The following REG4 variants were observed in gnomAD, a reference collection of about 807,000 sequenced individuals.
REG4 encodes the protein regenerating family member 4.
REG4 carries 16 observed loss-of-function variants against 22.3 expected under a neutral mutation model. The ratio of observed to expected loss-of-function variants is 0.72; its 90% CI spans 0.49 to 1.09. The LOEUF (loss-of-function observed/expected upper bound fraction) is 1.09, where lower values mean the gene tolerates loss of function less well. REG4 is among the 50% of genes least tolerant of loss of function. The probability of loss-of-function intolerance (pLI) is 0.00; values close to 1 mark genes in which losing one functional copy is unlikely to be tolerated. For synonymous variants in REG4, 71 were observed against 69.2 expected (o/e 1.03, Z -0.13); for missense variants, 214 against 193.9 (o/e 1.10, Z -0.61).
intron 3 of REG4, 76 bp from the exon 4 acceptor site, chr1:119,799,938 C>T (rs111854244): frequency 1.0e-5 from 16 of 1,561,740 alleles, no homozygotes; most frequent in African/African-American, 1.3e-5. Context: ...CGCTAGCGTG[C>T]CAAGAAGGAG....
At chr1:119,802,578 A>C in intron 3 of REG4, 1 of 1,190,094 alleles carries the variant, frequency 8.4e-7, no homozygotes, top group Non-Finnish European at 1.0e-6. Context: ...CAACGAAATA[A>C]AATGGACAGG....
intron 2 of REG4, among the ~76,000 whole-genome samples, chr1:119,804,947 G>A (rs1357098372): frequency 6.6e-6 from 1 of 151,978 alleles, no homozygotes; most frequent in Non-Finnish European, 1.5e-5. Flanking sequence ...TTATCCATAT[G>A]GCATTTTTAT....
chr1:119,794,730 T>TGAATG, intron 5 of REG4, 45 bp from the exon 6 acceptor site: 1 of 1,551,160 alleles, frequency 6.4e-7, no homozygotes, highest in Non-Finnish European at 8.9e-7. Flanking sequence ...AGTACTATAC[T>TGAATG]GAGCTTGCCA....
chr1:119,805,166 C>T (rs967096801), intron 2 of REG4, among the ~76,000 whole-genome samples: 2 of 152,162 alleles, frequency 1.3e-5, no homozygotes, highest in South Asian at 2.1e-4. Flanking sequence ...ATTATTTTCT[C>T]AGGAGGAAAA....
chr1:119,800,689 A>G (rs1265798048), intron 3 of REG4, among the ~76,000 whole-genome samples: 1 of 152,208 alleles, frequency 6.6e-6, no homozygotes, highest in African/African-American at 2.4e-5. Context: ...ACTTATTTTG[A>G]CTTGCTAGTG....
chr1:119,802,482 A>G (rs1027748491), intron 3 of REG4: 2 of 1,022,128 alleles, frequency 2.0e-6, no homozygotes. Flanking sequence ...CCCCCAATTA[A>G]TCACAATTCA....
intron 5 of REG4, among the ~76,000 whole-genome samples, chr1:119,797,092 G>T (rs1434672000): frequency 6.6e-6 from 1 of 152,182 alleles, no homozygotes; most frequent in Non-Finnish European, 1.5e-5. Flanking sequence ...TGCGTCAACT[G>T]CAATAACAAC....
intron 2 of REG4, among the ~76,000 whole-genome samples, chr1:119,804,077 A>G (rs1159693013): frequency 6.6e-6 from 1 of 152,206 alleles, no homozygotes; most frequent in East Asian, 1.9e-4. Context: ...GGCTGGATGT[A>G]CAGAGGCATC....
intron 2 of REG4, among the ~76,000 whole-genome samples, chr1:119,805,601 CTCCCCTTTCTCT>C (rs1654283182): frequency 6.6e-6 from 1 of 151,536 alleles, no homozygotes; most frequent in African/African-American, 2.4e-5. Flanking sequence ...TCTTCTCTTT[CTCCCCTTTCTCT>C]GTCTCTCTTT....
chr1:119,798,687 A>G (rs916875797), intron 4 of REG4, 85 bp from the exon 5 acceptor site: 44 of 920,000 alleles, frequency 4.8e-5, no homozygotes, highest in Non-Finnish European at 7.6e-5. Context: ...CCTTTAAAAC[A>G]TGGTTTTCAT....
intron 4 of REG4, among the ~76,000 whole-genome samples, chr1:119,799,308 A>T (rs929613071): frequency 3.9e-5 from 6 of 152,178 alleles, no homozygotes; most frequent in Admixed American, 2.6e-4. Flanking sequence ...ACATAAAAAA[A>T]ATTACAGCAT....
chr1:119,800,715 A>G (rs975069486), intron 3 of REG4, among the ~76,000 whole-genome samples: 1 of 152,212 alleles, frequency 6.6e-6, no homozygotes, highest in Non-Finnish European at 1.5e-5. Flanking sequence ...GCATGGATCA[A>G]TTGCCTAAAC....
At chr1:119,799,619 A>T (rs1654037445) in intron 4 of REG4, 106 bp downstream of exon 4, 7 of 1,417,708 alleles carry the variant, frequency 4.9e-6, no homozygotes, top group Non-Finnish European at 6.7e-6. Context: ...CATCTGGAGA[A>T]GATCCACCCG....
At chr1:119,805,285 C>G (rs1428882189) in intron 2 of REG4, among the ~76,000 whole-genome samples, 1 of 152,096 alleles carries the variant, frequency 6.6e-6, no homozygotes, top group South Asian at 2.1e-4. Flanking sequence ...GGGACAGCTG[C>G]GAAAACATGC....
intron 3 of REG4, chr1:119,801,111 A>C (rs1654083845): frequency 6.6e-6 from 1 of 152,184 alleles, no homozygotes; most frequent in African/African-American, 2.4e-5. Context: ...TGACATGATA[A>C]ATTCTTATTC....
At chr1:119,798,912 G>A (rs181147681) in intron 4 of REG4, among the ~76,000 whole-genome samples, 14 of 152,014 alleles carry the variant, frequency 9.2e-5, no homozygotes, top group African/African-American at 3.1e-4. Context: ...CATTAAAAAC[G>A]AAATAATTGT....
chr1:119,796,845 C>G (rs1653950366), intron 5 of REG4, among the ~76,000 whole-genome samples: 1 of 152,168 alleles, frequency 6.6e-6, no homozygotes, highest in African/African-American at 2.4e-5. Flanking sequence ...CTGATGTGAT[C>G]ATCGACTCAC....
At chr1:119,809,559 T>C (rs1241361571) in intron 1 of REG4, among the ~76,000 whole-genome samples, 3 of 152,202 alleles carry the variant, frequency 2.0e-5, no homozygotes, top group African/African-American at 4.8e-5. Context: ...TCTATGCACC[T>C]CTCTCTGTGT....
chr1:119,806,642 G>A (rs996674298), intron 2 of REG4, among the ~76,000 whole-genome samples: 7 of 152,184 alleles, frequency 4.6e-5, no homozygotes, highest in African/African-American at 1.7e-4. Flanking sequence ...TACCCAGATG[G>A]GGAGTGTGGT....
Sources: allele counts gnomAD v4.1 joint callset (sites outside exome capture counted in the v4.1 genomes callset), GRCh38; gene constraint gnomAD v4.1.1; transcripts MANE v1.5; gene names NCBI Gene and HGNC (gene_info 2026-07-23, HGNC 2026-07-21).